The following COL14A1 variants were observed in gnomAD, a reference collection of about 807,000 sequenced individuals.
The protein encoded by COL14A1 is collagen alpha-1(XIV) chain.
COL14A1 carries 136 observed loss-of-function variants against 230.3 expected under a neutral mutation model. The observed-to-expected ratio is 0.59, with a 90% confidence interval of 0.51 to 0.68. COL14A1 has a LOEUF of 0.68. Ranked by LOEUF, COL14A1 falls within the 30% of genes least tolerant of loss-of-function variation. The pLI, the probability that COL14A1 is intolerant of heterozygous loss-of-function variation, is 0.00. For missense variants in COL14A1, 1,976 were observed against 2,215.8 expected, an observed-to-expected ratio of 0.89 and a Z score of 2.17; for synonymous variants, 792 against 784.1, an observed-to-expected ratio of 1.01 and a Z score of -0.17.
chr8:120,183,001 A>G (rs1460103052), intron 5 of COL14A1, among the ~76,000 whole-genome samples: 2 of 152,146 alleles, frequency 1.3e-5, no homozygotes, highest in Non-Finnish European at 2.9e-5. Flanking sequence ...TGCTGGGATT[A>G]CGGGCAGAAG....
chr8:120,362,633 A>T (rs1355015246), intron 45 of COL14A1, among the ~76,000 whole-genome samples: 1 of 152,218 alleles, frequency 6.6e-6, no homozygotes, highest in Non-Finnish European at 1.5e-5. Flanking sequence ...AGAATGAATG[A>T]ATATGACAAA....
At position 120,257,819 on chromosome 8, in the gene COL14A1, G is replaced by A. The variant is rs552476051; in HGVS notation, c.2869+2463G>A. Among the ~76,000 whole-genome samples the A allele has an allele frequency of 4.6e-5, 7 of 152,230 alleles. No homozygotes were observed. The South Asian group carries it at 8.3e-4, about 18-fold the overall frequency. On this transcript the variant is annotated intron_variant, in intron 23 of 47. Coordinates refer to ENST00000297848, the MANE Select transcript of COL14A1 (RefSeq NM_021110.4). ...AGTTGACCTCTTTCTGAATGCCTCC[G>A]TCAAATCCTTACAGTTTGATGGGTA...
chr8:120,318,134 ATGGC>A (rs1314754515), intron 40 of COL14A1, among the ~76,000 whole-genome samples: 2 of 152,224 alleles, frequency 1.3e-5, no homozygotes, highest in East Asian at 3.8e-4. Context: ...ATTGTGTAAC[ATGGC>A]TGCCTTGCTT....
chr8:120,274,248 T>C (rs1819771151), intron 26 of COL14A1, among the ~76,000 whole-genome samples: 1 of 151,726 alleles, frequency 6.6e-6, no homozygotes, highest in Non-Finnish European at 1.5e-5. Flanking sequence ...ATCTCATAGA[T>C]GCAGAAAGCA....
At chr8:120,178,907 C>G (rs1215525343) in intron 5 of COL14A1, among the ~76,000 whole-genome samples, 2 of 151,606 alleles carry the variant, frequency 1.3e-5, no homozygotes, top group African/African-American at 4.8e-5. Context: ...ATCCTTCTCC[C>G]ACTTTTTGAT....
intron 36 of COL14A1, among the ~76,000 whole-genome samples, chr8:120,301,878 T>C (rs1424070356): frequency 6.6e-6 from 1 of 152,102 alleles, no homozygotes; most frequent in East Asian, 1.9e-4. Flanking sequence ...TATTTCTTTA[T>C]GTTTTAATAA....
chr8:120,246,258 A>G (rs1586800378), intron 20 of COL14A1, among the ~76,000 whole-genome samples: 1 of 152,106 alleles, frequency 6.6e-6, no homozygotes, highest in East Asian at 1.9e-4. Flanking sequence ...CCAGACTCCC[A>G]CCAAGCCTGC....
At chr8:120,177,521 C>T (rs929089147) in intron 5 of COL14A1, among the ~76,000 whole-genome samples, 3 of 151,538 alleles carry the variant, frequency 2.0e-5, no homozygotes, top group Non-Finnish European at 4.4e-5. Flanking sequence ...TGGTGGCGCA[C>T]ATCAGTAATC....
chr8:120,327,417 C>T (rs1451308773), intron 40 of COL14A1, among the ~76,000 whole-genome samples: 1 of 152,218 alleles, frequency 6.6e-6, no homozygotes, highest in Non-Finnish European at 1.5e-5. Context: ...AGATAACTCA[C>T]TACTCTACCT....
At chr8:120,273,487 A>G (rs1425299922) in intron 26 of COL14A1, among the ~76,000 whole-genome samples, 2 of 151,942 alleles carry the variant, frequency 1.3e-5, no homozygotes, top group Non-Finnish European at 2.9e-5. Context: ...AATAAAAAAG[A>G]TCAATGAAAC....
chr8:120,283,876 C>G, intron 32 of COL14A1, 98 bp downstream of exon 32: 11 of 926,590 alleles, frequency 1.2e-5, no homozygotes, highest in Non-Finnish European at 3.2e-6. Context: ...GAGTAACTCA[C>G]TAATCTTATG....
intron 45 of COL14A1, among the ~76,000 whole-genome samples, chr8:120,364,069 A>G (rs955625413): frequency 6.6e-6 from 1 of 151,792 alleles, no homozygotes; most frequent in Non-Finnish European, 1.5e-5. Flanking sequence ...AAAAGAAGGA[A>G]ATTAGCATTT....
At chr8:120,300,374 G>A (rs575363102) in intron 35 of COL14A1, among the ~76,000 whole-genome samples, 32 of 152,120 alleles carry the variant, frequency 2.1e-4, no homozygotes, top group Non-Finnish European at 3.7e-4. Context: ...AATTATTGTA[G>A]CATAAAAAAG....
intron 1 of COL14A1, among the ~76,000 whole-genome samples, chr8:120,138,909 G>A (rs1173179723): frequency 1.3e-5 from 2 of 152,152 alleles, no homozygotes; most frequent in Non-Finnish European, 2.9e-5. Context: ...TTTCTATAAA[G>A]TAGATATGAA....
At chr8:120,167,211 T>C (rs1457729275) in intron 4 of COL14A1, among the ~76,000 whole-genome samples, 1 of 151,552 alleles carries the variant, frequency 6.6e-6, no homozygotes, top group Non-Finnish European at 1.5e-5. Flanking sequence ...TGGAAGACAG[T>C]GGAAAGAAAG....
Position 120,332,042 on chromosome 8 carries a change from C to G in COL14A1, c.4660-99C>G, listed in dbSNP as rs531964795. 4 of 993,104 alleles carry G rather than the reference C, an allele frequency of 4.0e-6. No individual in the cohort carries two copies. In the Admixed American group the frequency reaches 5.3e-5, roughly 13 times the overall value. The allele number at this position is 993,104 out of a possible 1,614,324, so 61.5% of individuals were successfully genotyped here. A position where few individuals can be genotyped will look rare whatever the true frequency, so the allele number is the denominator to read the frequency against. ...ATCCTTGGTAGTCCAGAGCAAGCAG[C>G]AGGACTTGACCCCCAAACATGAAAA... On this transcript the variant is annotated intron_variant, in intron 40 of 47. Coordinates refer to ENST00000297848, the MANE Select transcript of COL14A1 (RefSeq NM_021110.4).
chr8:120,369,332 C>T lies in COL14A1; in HGVS notation c.5158C>T (p.Pro1720Ser), dbSNP rs1388072609. ...TTTCATCTGTGGGTACTTCTTAGGA[C>T]CTTCAGGGGAGAGTCGGCCTGGCAG... ...GPRGPPGPAGPSGESRPGSPG... is the reference protein window; with the variant it reads ...GPRGPPGPAGSSGESRPGSPG... Residue 1720 changes from proline to serine, a missense_variant and splice_region_variant, in exon 47 of 48, where the codon CCT becomes TCT. Around this residue, in one of 3 missense-constraint regions of COL14A1, gnomAD observed 1,791 missense variants for 2,019.5 expected, o/e 0.89. Transcript: ENST00000297848. The T allele has an allele frequency of 6.4e-7, 1 of 1,567,706 alleles. No homozygotes were observed. The highest frequency in any genetic ancestry group is 1.4e-5 in the African/African-American group (1 of 72,788).
intron 40 of COL14A1, among the ~76,000 whole-genome samples, chr8:120,324,818 G>A (rs993213878): frequency 1.3e-5 from 2 of 151,988 alleles, no homozygotes; most frequent in African/African-American, 2.4e-5. Flanking sequence ...CAGTATTTCC[G>A]CTGGCTACAG....
In COL14A1 at chr8:120,332,174, C is replaced by G; in HGVS notation, c.4693C>G (p.Pro1565Ala). Residue 1565 changes from proline to alanine, a missense_variant, in exon 41 of 48, where the codon CCA becomes GCA. Around this residue, in one of 3 missense-constraint regions of COL14A1, gnomAD observed 1,791 missense variants for 2,019.5 expected, o/e 0.89. Coordinates refer to ENST00000297848, the MANE Select transcript of COL14A1 (RefSeq NM_021110.4). ...GGGAAAGGATGGATCCTCGGGACCT[C>G]CAGGACCACCAGGGCCAATAGTAAG... ...LPGKDGSSGPPGPPGPIGIPG... is the reference protein window; with the variant it reads ...LPGKDGSSGPAGPPGPIGIPG... The G allele has an allele frequency of 6.2e-7, 1 of 1,614,056 alleles. No homozygotes were observed. Among genetic ancestry groups the G allele is most frequent in the South Asian group, 1.1e-5 (1 of 91,062 alleles).
Sources: gnomAD v4.1 joint callset for allele counts (sites outside exome capture counted in the v4.1 genomes callset) on GRCh38, gnomAD v4.1.1 for gene constraint, gnomAD v4.1.1 regional missense constraint, MANE v1.5 for transcripts, NCBI Gene and HGNC (gene_info 2026-07-23, HGNC 2026-07-21) for gene names.